Variants in BZW2 observed in about 807,000 individuals in gnomAD.
BZW2 encodes eIF5-mimic protein 1.
In BZW2, 23 loss-of-function variants were observed where a neutral mutation model predicts 53.2. The ratio of observed to expected loss-of-function variants is 0.43; its 90% CI spans 0.31 to 0.61. The LOEUF is 0.61. Among genes scored for constraint, BZW2 ranks in the 20% least tolerant of loss-of-function variants. The probability of loss-of-function intolerance (pLI) is 0.09; values close to 1 mark genes in which losing one functional copy is unlikely to be tolerated. For synonymous variants in BZW2, 227 were observed against 186.4 expected (o/e 1.22, Z -1.77); for missense variants, 409 against 503.1 (o/e 0.81, Z 1.79).
intron 2 of BZW2, among the ~76,000 whole-genome samples, chr7:16,671,379 G>C (rs2128357032): frequency 6.6e-6 from 1 of 152,230 alleles, no homozygotes; most frequent in East Asian, 1.9e-4. Flanking sequence ...ATTATCTCTT[G>C]AGTTGGGGGG....
chr7:16,706,187 AGG>A lies in BZW2; in HGVS notation c.*100_*101del. 7.4e-7 allele frequency: 1 copy of A among 1,354,954 alleles called. No homozygotes were observed. The highest frequency in any genetic ancestry group is 2.0e-5 in the Admixed American group (1 of 49,724). 83.9% of individuals were successfully genotyped at this position (1,354,954 alleles called of 1,614,324 possible). A position where few individuals can be genotyped will look rare whatever the true frequency, so the allele number is the denominator to read the frequency against. On this transcript the variant is annotated 3_prime_UTR_variant, in exon 12 of 12. Coordinates refer to ENST00000258761, the MANE Select transcript of BZW2 (RefSeq NM_014038.3). ...AGAAACTTGGCTTCTGTTTTCGCAA[AGG>A]AAAAAAAAAATAGGATAGGCTTCCC... is the stretch of plus-strand genomic sequence containing the variant.
rs761427539 is a variant in BZW2, at chr7:16,674,440, C to G, written c.87C>G (p.Val29=). 1 of 1,603,480 alleles carries G rather than the reference C, an allele frequency of 6.2e-7. No individual in the cohort carries two copies. Among genetic ancestry groups the G allele is most frequent in the African/African-American group, 1.3e-5 (1 of 74,556 alleles). Residue 29 remains valine, a synonymous_variant, in exon 3 of 12, where the codon GTC becomes GTG. Transcript: ENST00000258761. ...AAAAAGAGAAATTCGAACCCACAGT[C>G]TTCAGGGATACACTTGTCCAGGGGC... The part of the protein sequence containing the change: ...RDEKEKFEPT[V]FRDTLVQGLN...
intron 1 of BZW2, among the ~76,000 whole-genome samples, chr7:16,649,843 C>T (rs1781945298): frequency 6.6e-6 from 1 of 152,050 alleles, no homozygotes; most frequent in South Asian, 2.1e-4. Flanking sequence ...GGAAGAGAGA[C>T]TGAATGAGAA....
intron 3 of BZW2, among the ~76,000 whole-genome samples, chr7:16,679,011 A>C (rs1196190737): frequency 2.0e-5 from 3 of 152,132 alleles, no homozygotes; most frequent in African/African-American, 7.2e-5. Context: ...ATTACTGATG[A>C]AGGTCCATGT....
chr7:16,673,215 G>A (rs1782662157), intron 2 of BZW2, among the ~76,000 whole-genome samples: 1 of 152,058 alleles, frequency 6.6e-6, no homozygotes, highest in Non-Finnish European at 1.5e-5. Context: ...CAAAGTGCTG[G>A]GATTACAGGC....
At chr7:16,697,113 TTTTG>T (rs112462717) in intron 9 of BZW2, 52 bp downstream of exon 9, 145 of 1,568,708 alleles carry the variant, frequency 9.2e-5, no homozygotes, top group East Asian at 1.8e-4. Flanking sequence ...CTGCAGCTTT[TTTTG>T]TTTGTTTGTT....
At chr7:16,686,080 A>G (rs1438109703) in intron 6 of BZW2, 40 bp downstream of exon 6, 2 of 1,605,304 alleles carry the variant, frequency 1.2e-6, no homozygotes, top group South Asian at 1.1e-5. Context: ...AGACAACAAA[A>G]GAAAAATAAA....
intron 1 of BZW2, among the ~76,000 whole-genome samples, chr7:16,657,831 A>G (rs1017050679): frequency 2.0e-5 from 3 of 152,160 alleles, no homozygotes; most frequent in African/African-American, 7.2e-5. Flanking sequence ...TTTGCTCACC[A>G]TTGTTTCCTC....
At chr7:16,677,618 A>T (rs1287947499) in intron 3 of BZW2, among the ~76,000 whole-genome samples, 1 of 152,188 alleles carries the variant, frequency 6.6e-6, no homozygotes, top group African/African-American at 2.4e-5. Context: ...CCATTTGAAG[A>T]ACATTTTTAG....
chr7:16,688,881 T>G (rs917202682), intron 6 of BZW2, among the ~76,000 whole-genome samples: 1 of 152,168 alleles, frequency 6.6e-6, no homozygotes, highest in Non-Finnish European at 1.5e-5. Flanking sequence ...CAGAAGAGTT[T>G]AACTTGAAAC....
chr7:16,674,443 C>T lies in BZW2; in HGVS notation c.90C>T (p.Phe30=). 1 of 1,603,260 alleles carries T rather than the reference C, an allele frequency of 6.2e-7. No homozygotes were observed. The highest frequency in any genetic ancestry group is 8.5e-7 in the Non-Finnish European group (1 of 1,175,350). The change falls in exon 3 of 12, where the codon TTC becomes TTT. Residue 30 remains phenylalanine, a synonymous_variant. Coordinates refer to ENST00000258761, the MANE Select transcript of BZW2 (RefSeq NM_014038.3). ...AAGAGAAATTCGAACCCACAGTCTT[C>T]AGGGATACACTTGTCCAGGGGCTTA... ...DEKEKFEPTV[F]RDTLVQGLNE... is the part of the protein sequence containing the mutation.
At chr7:16,661,578 A>T (rs1451709520) in intron 1 of BZW2, among the ~76,000 whole-genome samples, 1 of 152,188 alleles carries the variant, frequency 6.6e-6, no homozygotes, top group Non-Finnish European at 1.5e-5. Flanking sequence ...TAAAATAGGA[A>T]TTTATGCAAA....
intron 1 of BZW2, among the ~76,000 whole-genome samples, chr7:16,658,108 AG>A (rs1205088810): frequency 6.6e-6 from 1 of 152,166 alleles, no homozygotes; most frequent in Non-Finnish European, 1.5e-5. Context: ...CCTTGGGGGA[AG>A]GGCAGGGCCT....
Position 16,694,944 on chromosome 7 carries a change from C to T in BZW2, c.762C>T (p.Thr254=), listed in dbSNP as rs761192194. The T allele has an allele frequency of 5.0e-6, 8 of 1,597,232 alleles. No homozygotes were observed. In the South Asian group the frequency reaches 8.9e-5, roughly 18 times the overall value. The change falls in exon 8 of 12, where the codon ACC becomes ACT. Residue 254 remains threonine, a synonymous_variant. Transcript: ENST00000258761. ...DFLRVQQSLG[T]RKELQKELQE... is the part of the protein sequence containing the mutation. The stretch of plus-strand genomic sequence containing the variant: ...TCCGAGTCCAGCAGTCCCTGGGCAC[C>T]AGGAAGGAACTGCAGAAGGAGCTCC...
chr7:16,685,831 C>A (rs1235258261), intron 5 of BZW2, 74 bp from the exon 6 acceptor site: 2 of 1,454,024 alleles, frequency 1.4e-6, no homozygotes, highest in Non-Finnish European at 1.8e-6. Context: ...CCACTTCAGT[C>A]CTTTGCTTCA....
At chr7:16,690,407 G>A (rs1783265543) in intron 7 of BZW2, among the ~76,000 whole-genome samples, 1 of 152,018 alleles carries the variant, frequency 6.6e-6, no homozygotes, top group Non-Finnish European at 1.5e-5. Flanking sequence ...GTTTCACCAT[G>A]TTGGCCAGGT....
At chr7:16,671,468 A>G (rs1460759828) in intron 2 of BZW2, among the ~76,000 whole-genome samples, 5 of 152,180 alleles carry the variant, frequency 3.3e-5, no homozygotes, top group African/African-American at 1.2e-4. Context: ...CAAAACACTT[A>G]AGGAAAAGCT....
chr7:16,663,969 A>G (rs1241898706), intron 1 of BZW2, among the ~76,000 whole-genome samples: 1 of 152,214 alleles, frequency 6.6e-6, no homozygotes, highest in Non-Finnish European at 1.5e-5. Context: ...AGGTAAACCA[A>G]AAAGATAAAA....
chr7:16,693,198 A>T (rs1410489127), intron 7 of BZW2, among the ~76,000 whole-genome samples: 1 of 152,222 alleles, frequency 6.6e-6, no homozygotes, highest in African/African-American at 2.4e-5. Flanking sequence ...GAGAGACCTT[A>T]ATCTAGGGAT....
Sources: allele counts gnomAD v4.1 joint callset (sites outside exome capture counted in the v4.1 genomes callset), GRCh38; gene constraint gnomAD v4.1.1; transcripts MANE v1.5; gene names NCBI Gene and HGNC (gene_info 2026-07-23, HGNC 2026-07-21).